WNK3: variants seen among roughly 807,000 people sequenced by gnomAD.
WNK3 encodes serine/threonine-protein kinase WNK3.
WNK3 carries 18 observed loss-of-function variants against 116.7 expected under a neutral mutation model. That is an observed-to-expected ratio of 0.15 (90% confidence interval 0.11 to 0.23). The LOEUF (loss-of-function observed/expected upper bound fraction) is 0.23. Among genes scored for constraint, WNK3 ranks in the 10% least tolerant of loss-of-function variants. The probability of loss-of-function intolerance (pLI) is 1.00; values close to 1 mark genes in which losing one functional copy is unlikely to be tolerated. For synonymous variants in WNK3, 404 were observed against 469.4 expected (o/e 0.86, Z 1.80); for missense variants, 993 against 1,323.8 (o/e 0.75, Z 3.88).
chrX:54,354,055 C>T (rs2069556880), intron 1 of WNK3, among the ~76,000 whole-genome samples: 1 of 106,571 alleles, frequency 9.4e-6, no homozygotes, highest in Non-Finnish European at 1.9e-5. Context: ...CACTGCACTC[C>T]AGCCTGGGTG....
intron 11 of WNK3, among the ~76,000 whole-genome samples, chrX:54,257,789 CAAAAAAAAA>C (rs60655785): frequency 3.8e-4 from 6 of 15,655 alleles, no homozygotes; most frequent in African/African-American, 3.3e-4. Flanking sequence ...GACTCTGCCT[CAAAAAAAAA>C]AAAAAAAAAA....
intron 2 of WNK3, among the ~76,000 whole-genome samples, chrX:54,316,913 C>G (rs2068964831): frequency 9.0e-6 from 1 of 111,373 alleles, no homozygotes; most frequent in East Asian, 2.8e-4. Flanking sequence ...ATAGAATTAT[C>G]ATATGCTCCA....
At chrX:54,206,097 T>C (rs782565557) in intron 22 of WNK3, among the ~76,000 whole-genome samples, 8 of 111,902 alleles carry the variant, frequency 7.1e-5, no homozygotes, top group Non-Finnish European at 1.1e-4. Context: ...TACTTGGATG[T>C]TAATAAATTA....
In WNK3 at chrX:54,250,172, T is replaced by C. The variant is rs186085790; in HGVS notation, c.2576-41A>G. ...GCAAAAAATAATATGCTAAGCTATT[T>C]TCAATTTATTTACCTTATTGACTGA... On this transcript the variant is annotated intron_variant, in intron 15 of 23. Coordinates refer to ENST00000354646, the Ensembl canonical transcript of WNK3. The C allele has an allele frequency of 4.1e-3, 4,612 of 1,114,535 alleles. 5 individuals are homozygous for C. Among genetic ancestry groups the C allele is most frequent in the Middle Eastern group, 0.012 (48 of 4,030 alleles). The allele number at this position is 1,114,535 out of a possible 1,213,427, so 91.9% of individuals were successfully genotyped here. A position where few individuals can be genotyped will look rare whatever the true frequency, so the allele number is the denominator to read the frequency against.
intron 10 of WNK3, among the ~76,000 whole-genome samples, chrX:54,265,215 G>T (rs1310235604): frequency 4.5e-5 from 5 of 111,515 alleles, no homozygotes; most frequent in African/African-American, 1.6e-4. Context: ...GCGGGGTGTG[G>T]GTGGCTCATG....
chrX:54,257,530 C>T (rs1380155464), intron 11 of WNK3, among the ~76,000 whole-genome samples: 3 of 111,013 alleles, frequency 2.7e-5, no homozygotes, highest in African/African-American at 9.8e-5. Context: ...CATGGTGGCT[C>T]ACGCCTGTAA....
chrX:54,264,016 C>A (rs1385915941), intron 10 of WNK3, among the ~76,000 whole-genome samples: 1 of 106,560 alleles, frequency 9.4e-6, no homozygotes, highest in Non-Finnish European at 1.9e-5. Flanking sequence ...CAGGCATGTG[C>A]CACCACACCT....
At chrX:54,309,995 T>C (rs1206446478) in intron 3 of WNK3, among the ~76,000 whole-genome samples, 2 of 110,655 alleles carry the variant, frequency 1.8e-5, no homozygotes, top group African/African-American at 3.3e-5. Context: ...ACACAAATGT[T>C]AGGAAACAAA....
intron 21 of WNK3, 86 bp downstream of exon 21, chrX:54,232,723 T>C (rs1205407700): frequency 1.2e-6 from 1 of 813,421 alleles, no homozygotes; most frequent in Non-Finnish European, 1.7e-6. Flanking sequence ...TTAGCCTAAT[T>C]AAAAATAAAT....
At chrX:54,235,434 G>A (rs1026530747) in intron 20 of WNK3, among the ~76,000 whole-genome samples, 9 of 111,394 alleles carry the variant, frequency 8.1e-5, no homozygotes, top group East Asian at 2.8e-4. Flanking sequence ...TTACAGGTGC[G>A]CGCCACCACG....
At chrX:54,334,218 T>A (rs1433384477) in intron 1 of WNK3, among the ~76,000 whole-genome samples, 4 of 111,948 alleles carry the variant, frequency 3.6e-5, no homozygotes, top group African/African-American at 1.3e-4. Flanking sequence ...TACTAAAATA[T>A]ACATATCGTC....
At chrX:54,294,202 G>A (rs2068671900) in intron 8 of WNK3, among the ~76,000 whole-genome samples, 1 of 111,289 alleles carries the variant, frequency 9.0e-6, no homozygotes. Flanking sequence ...AAGGATTTAT[G>A]TTAGACCCTC....
chrX:54,215,066 G>A (rs1281274852), intron 22 of WNK3, among the ~76,000 whole-genome samples: 2 of 96,646 alleles, frequency 2.1e-5, no homozygotes, highest in Non-Finnish European at 4.1e-5. Context: ...GCAGTGAGCC[G>A]AGACTGTGCC....
At chrX:54,318,517 G>C (rs1164684694) in intron 2 of WNK3, among the ~76,000 whole-genome samples, 1 of 110,448 alleles carries the variant, frequency 9.1e-6, no homozygotes, top group Non-Finnish European at 1.9e-5. Context: ...TTCAAGACCA[G>C]CTTGGGCAAC....
chrX:54,214,520 C>T (rs1379433034), intron 22 of WNK3, among the ~76,000 whole-genome samples: 1 of 111,463 alleles, frequency 9.0e-6, no homozygotes, highest in Admixed American at 9.6e-5. Context: ...CCAACCACCC[C>T]TGACAATTAT....
intron 10 of WNK3, among the ~76,000 whole-genome samples, chrX:54,276,487 T>C (rs1226686276): frequency 1.8e-5 from 2 of 111,658 alleles, no homozygotes; most frequent in Admixed American, 9.6e-5. Context: ...CAAATCAGTA[T>C]CTGTCATGAA....
At chrX:54,214,646 C>T (rs782690971) in intron 22 of WNK3, among the ~76,000 whole-genome samples, 1 of 111,588 alleles carries the variant, frequency 9.0e-6, no homozygotes, top group South Asian at 3.7e-4. Flanking sequence ...CCCAGCTCAG[C>T]GTTGTGGTAG....
chrX:54,257,066 G>A (rs2068200049), intron 11 of WNK3, among the ~76,000 whole-genome samples: 1 of 111,599 alleles, frequency 9.0e-6, no homozygotes, highest in Non-Finnish European at 1.9e-5. Context: ...CGGACTGGCT[G>A]GGGACCCCTA....
At chrX:54,212,587 G>T (rs947784650) in intron 22 of WNK3, among the ~76,000 whole-genome samples, 4 of 112,304 alleles carry the variant, frequency 3.6e-5, no homozygotes, top group Non-Finnish European at 7.5e-5. Flanking sequence ...GAAGGCAAAA[G>T]AAACTGTACA....
Sources: allele counts gnomAD v4.1 joint callset (sites outside exome capture counted in the v4.1 genomes callset), GRCh38; gene constraint gnomAD v4.1.1; transcripts MANE v1.5; gene names NCBI Gene and HGNC (gene_info 2026-07-23, HGNC 2026-07-21).